The following SV2C variants were observed in gnomAD, a reference collection of about 807,000 sequenced individuals.
The protein encoded by SV2C is solute carrier family 22 member B3.
SV2C carries 49 observed loss-of-function variants against 79.7 expected under a neutral mutation model. The observed-to-expected ratio is 0.61, with a 90% CI of 0.49 to 0.78. The LOEUF (loss-of-function observed/expected upper bound fraction) is 0.78, where lower values mean the gene tolerates loss of function less well. Ranked by LOEUF, SV2C falls within the 30% of genes least tolerant of loss-of-function variation. SV2C has a pLI of 0.00. For missense variants in SV2C, 833 were observed against 912.9 expected (o/e 0.91, Z 1.13); for synonymous variants, 334 against 333.2 (o/e 1.00, Z -0.03).
intron 4 of SV2C, among the ~76,000 whole-genome samples, chr5:76,275,348 A>G (rs973889603): frequency 2.0e-5 from 3 of 152,036 alleles, no homozygotes; most frequent in Admixed American, 6.5e-5. Flanking sequence ...TTAGCTGGGC[A>G]TGGTGGCGGG....
intron 4 of SV2C, among the ~76,000 whole-genome samples, chr5:76,214,129 T>C (rs973830471): frequency 2.0e-5 from 3 of 152,224 alleles, no homozygotes; most frequent in African/African-American, 7.2e-5. Context: ...CACATACAGT[T>C]TTAAAGCTTT....
chr5:76,325,203 A>G lies in SV2C; in HGVS notation c.2001-161A>G, dbSNP rs67444414. The stretch of plus-strand genomic sequence containing the variant: ...GGCTGGAGGAACAATACCAACAGCT[A>G]GGATTCTCTACTCCCAGATTTGCTA... On this transcript the variant is annotated intron_variant, in intron 12 of 12. Coordinates refer to ENST00000502798, the MANE Select transcript of SV2C (RefSeq NM_014979.4). Among the ~76,000 whole-genome samples, 808 of 152,352 alleles carry G rather than the reference A, an allele frequency of 5.3e-3. 4 individuals are homozygous for G. Among genetic ancestry groups the G allele is most frequent in the Middle Eastern group, 0.014 (4 of 294 alleles).
the SV2C span, among the ~76,000 whole-genome samples, chr5:76,058,329 A>G: frequency 6.6e-6 from 1 of 152,240 alleles, no homozygotes; most frequent in Admixed American, 6.5e-5. Context: ...TCTACCCTGG[A>G]GTGCACCAAA....
At chr5:76,048,348 A>G in the SV2C span, among the ~76,000 whole-genome samples, 1 of 152,274 alleles carries the variant, frequency 6.6e-6, no homozygotes, top group Non-Finnish European at 1.5e-5. Flanking sequence ...AAGAGAATGA[A>G]TTTGCCCTTC....
chr5:76,026,711 TGAG>T, the SV2C span, among the ~76,000 whole-genome samples: 1 of 152,150 alleles, frequency 6.6e-6, no homozygotes, highest in African/African-American at 2.4e-5. Context: ...AAAGAGATAG[TGAG>T]CCTAACTAAA....
the SV2C span, among the ~76,000 whole-genome samples, chr5:75,964,531 C>T: frequency 6.6e-6 from 1 of 152,100 alleles, no homozygotes; most frequent in African/African-American, 2.4e-5. Flanking sequence ...GCTCCACTCC[C>T]TCCCTGGTTT....
At chr5:76,281,119 C>T in intron 4 of SV2C, 1 of 542,286 alleles carries the variant, frequency 1.8e-6, no homozygotes, top group Admixed American at 1.9e-5. Flanking sequence ...TTACCTTATA[C>T]AGATGACAAG....
At chr5:75,983,588 G>A in the SV2C span, among the ~76,000 whole-genome samples, 1 of 131,142 alleles carries the variant, frequency 7.6e-6, no homozygotes, top group Non-Finnish European at 1.7e-5. Flanking sequence ...GCAAAATTAT[G>A]GGCCAGCTTT....
chr5:75,939,511 G>T, the SV2C span, among the ~76,000 whole-genome samples: 1 of 152,030 alleles, frequency 6.6e-6, no homozygotes, highest in Non-Finnish European at 1.5e-5. Flanking sequence ...TAGTGTTAGG[G>T]CTTCAAAATA....
At chr5:76,157,663 T>C (rs1657366319) in intron 2 of SV2C, among the ~76,000 whole-genome samples, 2 of 151,802 alleles carry the variant, frequency 1.3e-5, no homozygotes, top group South Asian at 2.1e-4. Context: ...GGCAATATTA[T>C]ATTGGGCTAA....
chr5:76,221,895 C>A (rs1745074705), intron 4 of SV2C, among the ~76,000 whole-genome samples: 1 of 152,156 alleles, frequency 6.6e-6, no homozygotes, highest in Non-Finnish European at 1.5e-5. Context: ...ATTGGTTTTA[C>A]TTATTGTAGA....
At chr5:76,312,267 G>T (rs555686685) in intron 12 of SV2C, among the ~76,000 whole-genome samples, 4 of 151,430 alleles carry the variant, frequency 2.6e-5, no homozygotes, top group East Asian at 1.9e-4. Context: ...TTTTTTTGGG[G>T]GGGGGGACAG....
At chr5:76,184,214 A>G (rs760646073) in intron 2 of SV2C, among the ~76,000 whole-genome samples, 4 of 152,182 alleles carry the variant, frequency 2.6e-5, no homozygotes, top group Non-Finnish European at 5.9e-5. Context: ...TCTTCAGATG[A>G]TTCCAGTGAG....
At chr5:75,862,474 C>T in the SV2C span, among the ~76,000 whole-genome samples, 1 of 152,180 alleles carries the variant, frequency 6.6e-6, no homozygotes, top group Non-Finnish European at 1.5e-5. Context: ...ATCTAATTTA[C>T]AGATCAGGAA....
chr5:76,257,603 G>A (rs1003387641), intron 4 of SV2C, among the ~76,000 whole-genome samples: 2 of 150,996 alleles, frequency 1.3e-5, no homozygotes, highest in African/African-American at 2.4e-5. Context: ...GGTGTCTATA[G>A]TGTCAGCAGA....
At chr5:76,067,405 A>G in the SV2C span, among the ~76,000 whole-genome samples, 1 of 146,034 alleles carries the variant, frequency 6.8e-6, no homozygotes, top group Non-Finnish European at 1.5e-5. Flanking sequence ...TTTCCACAGT[A>G]TCTTTGGAAG....
At chr5:76,221,760 G>A (rs1166368892) in intron 4 of SV2C, among the ~76,000 whole-genome samples, 1 of 151,974 alleles carries the variant, frequency 6.6e-6, no homozygotes, top group Non-Finnish European at 1.5e-5. Flanking sequence ...CTAGATCCTG[G>A]GTCTTCCCCA....
intron 4 of SV2C, among the ~76,000 whole-genome samples, chr5:76,214,978 T>G (rs1233378475): frequency 6.6e-6 from 1 of 152,240 alleles, no homozygotes; most frequent in Non-Finnish European, 1.5e-5. Context: ...CTTGTTTTAC[T>G]TCTTTCTTTC....
chr5:75,930,644 A>C, the SV2C span, among the ~76,000 whole-genome samples: 5 of 152,322 alleles, frequency 3.3e-5, no homozygotes, highest in East Asian at 9.6e-4. Flanking sequence ...GACACTGAAA[A>C]TTGATGATAT....
Sources: allele counts gnomAD v4.1 joint callset (sites outside exome capture counted in the v4.1 genomes callset), GRCh38; gene constraint gnomAD v4.1.1; transcripts MANE v1.5; gene names NCBI Gene and HGNC (gene_info 2026-07-23, HGNC 2026-07-21).